The following MCC variants were observed in gnomAD, a reference collection of about 807,000 sequenced individuals.
MCC encodes MCC regulator of Wnt signaling pathway.
A neutral mutation model predicts 116.2 loss-of-function variants in MCC; 90 were observed. The observed-to-expected ratio is 0.77, with a 90% CI of 0.65 to 0.92. The LOEUF is 0.92. MCC is among the 40% of genes least tolerant of loss of function. The pLI, the probability that MCC is intolerant of heterozygous loss-of-function variation, is 0.00. For synonymous variants in MCC, 578 were observed against 510.5 expected (o/e 1.13, Z -1.78); for missense variants, 1,516 against 1,312.2 (o/e 1.16, Z -2.40).
At chr5:113,370,955 G>A (rs1227306692) in intron 2 of MCC, among the ~76,000 whole-genome samples, 2 of 152,118 alleles carry the variant, frequency 1.3e-5, no homozygotes, top group African/African-American at 2.4e-5. Flanking sequence ...GGTGGCTCAC[G>A]CTTGCATATC....
intron 1 of MCC, among the ~76,000 whole-genome samples, chr5:113,458,632 G>A (rs1771650209): frequency 6.6e-6 from 1 of 152,212 alleles, no homozygotes; most frequent in South Asian, 2.1e-4. Flanking sequence ...GGATAAAAAT[G>A]TAATAGTGTG....
At chr5:113,459,154 T>TGA (rs1421421058) in intron 1 of MCC, among the ~76,000 whole-genome samples, 1 of 137,020 alleles carries the variant, frequency 7.3e-6, no homozygotes. Context: ...TGTGTGTGTG[T>TGA]GTGTGTGTGT....
intron 1 of MCC, chr5:113,435,598 A>G (rs7726631): frequency 0.12 from 17,577 of 152,470 alleles, 1,758 homozygotes; most frequent in African/African-American, 0.27. Context: ...AGGGCCAAGA[A>G]GAGTGGTGTG....
At chr5:113,336,602 C>T (rs920177953) in intron 3 of MCC, among the ~76,000 whole-genome samples, 3 of 148,126 alleles carry the variant, frequency 2.0e-5, no homozygotes, top group Admixed American at 1.3e-4. Context: ...GCTGATCTGA[C>T]AAACCTATAG....
chr5:113,152,868 CT>C (rs1244695856), intron 3 of MCC, among the ~76,000 whole-genome samples: 1 of 152,170 alleles, frequency 6.6e-6, no homozygotes, highest in African/African-American at 2.4e-5. Flanking sequence ...GTCAGGCAAT[CT>C]GGCAGTATTT....
At chr5:113,307,179 G>A (rs1767007710) in intron 3 of MCC, among the ~76,000 whole-genome samples, 1 of 152,120 alleles carries the variant, frequency 6.6e-6, no homozygotes, top group Non-Finnish European at 1.5e-5. Context: ...GCTTGTTATT[G>A]TGCCAAGTAG....
chr5:113,100,300 T>C lies in MCC; in HGVS notation c.1398+1439A>G, dbSNP rs556779052. On this transcript the variant is annotated intron_variant, in intron 8 of 18. Transcript: ENST00000408903. ...AAATAGTAATTTCTTCCGTTTTATATAATGGCAACTAAGAATACTTACAAA... is the reference window on the plus strand; with the variant it reads ...AAATAGTAATTTCTTCCGTTTTATACAATGGCAACTAAGAATACTTACAAA... Among the ~76,000 whole-genome samples the C allele has an allele frequency of 9.2e-5, 14 of 152,156 alleles. No individual in the cohort carries two copies. The South Asian group carries it at 2.1e-3, about 23-fold the overall frequency.
At chr5:113,391,862 G>C (rs1344520535) in intron 1 of MCC, among the ~76,000 whole-genome samples, 1 of 152,172 alleles carries the variant, frequency 6.6e-6, no homozygotes, top group African/African-American at 2.4e-5. Flanking sequence ...TGTGGAGAGG[G>C]AGGTAGGGTA....
intron 3 of MCC, among the ~76,000 whole-genome samples, chr5:113,215,931 G>C (rs151209069): frequency 1.4e-4 from 21 of 152,266 alleles, no homozygotes; most frequent in African/African-American, 5.1e-4. Flanking sequence ...ATCTCTCAAA[G>C]AAACCACCAA....
At chr5:113,478,508 C>T (rs1315212975) in intron 1 of MCC, among the ~76,000 whole-genome samples, 1 of 152,100 alleles carries the variant, frequency 6.6e-6, no homozygotes, top group Non-Finnish European at 1.5e-5. Flanking sequence ...AGGGAGTAGC[C>T]ATTTACTGTA....
intron 1 of MCC, chr5:113,435,744 G>T (rs923063795): frequency 6.6e-6 from 1 of 152,396 alleles, no homozygotes; most frequent in Non-Finnish European, 1.5e-5. Context: ...AGGACAGCTG[G>T]CAGGAGTTCT....
rs766537499 is a variant in MCC, at chr5:113,027,006, A to T, written c.*296T>A. ...TGCACAGCCGCCAGACCAGAAGAGG[A>T]GGGGGAGAGTGAGTGCTGAAAGCAG... is the stretch of plus-strand genomic sequence containing the variant. On this transcript the variant is annotated 3_prime_UTR_variant, in exon 19 of 19. Coordinates refer to ENST00000408903, the MANE Select transcript of MCC (RefSeq NM_001085377.2). The T allele has an allele frequency of 5.8e-6, 2 of 346,122 alleles. No homozygotes were observed. Among genetic ancestry groups the T allele is most frequent in the Admixed American group, 9.1e-5 (2 of 22,072 alleles). The allele number at this position is 346,122 out of a possible 1,614,324, so 21.4% of individuals were successfully genotyped here.
intron 17 of MCC, among the ~76,000 whole-genome samples, chr5:113,031,824 G>A (rs929588868): frequency 8.5e-5 from 13 of 152,232 alleles, no homozygotes; most frequent in Non-Finnish European, 1.9e-4. Context: ...CTCCAAAGGA[G>A]GATAGAACCC....
At chr5:113,033,278 G>T (rs749416298) in intron 17 of MCC, among the ~76,000 whole-genome samples, 2 of 152,198 alleles carry the variant, frequency 1.3e-5, no homozygotes, top group African/African-American at 2.4e-5. Context: ...TGAGGGACTG[G>T]CGTAAGGCAG....
At chr5:113,456,702 A>C (rs1580399915) in intron 1 of MCC, among the ~76,000 whole-genome samples, 1 of 127,506 alleles carries the variant, frequency 7.8e-6, no homozygotes. Context: ...CGATCTCCTG[A>C]CCTCGTGATC....
chr5:113,416,597 T>A (rs1317068244), intron 1 of MCC, among the ~76,000 whole-genome samples: 1 of 152,204 alleles, frequency 6.6e-6, no homozygotes, highest in East Asian at 1.9e-4. Context: ...TGTATATGTA[T>A]ACACATACGC....
chr5:113,032,309 G>A (rs149007906), intron 17 of MCC, among the ~76,000 whole-genome samples: 1 of 151,816 alleles, frequency 6.6e-6, no homozygotes, highest in African/African-American at 2.4e-5. Flanking sequence ...TTGGGAGCCT[G>A]AGGCAGGAGA....
At chr5:113,194,650 C>A (rs1398311197) in intron 3 of MCC, among the ~76,000 whole-genome samples, 1 of 151,578 alleles carries the variant, frequency 6.6e-6, no homozygotes, top group Non-Finnish European at 1.5e-5. Flanking sequence ...AAAGGAAGAC[C>A]CTGCCTCAAA....
intron 3 of MCC, among the ~76,000 whole-genome samples, chr5:113,303,007 T>C (rs1326148223): frequency 2.6e-5 from 4 of 152,184 alleles, no homozygotes; most frequent in African/African-American, 4.8e-5. Context: ...CAGTGAATGA[T>C]TGGATACAGG....
Sources: gnomAD v4.1 joint callset for allele counts (sites outside exome capture counted in the v4.1 genomes callset) on GRCh38, gnomAD v4.1.1 for gene constraint, MANE v1.5 for transcripts, NCBI Gene and HGNC (gene_info 2026-07-23, HGNC 2026-07-21) for gene names.